The following NLRP5 variants were observed in gnomAD, a reference collection of about 807,000 sequenced individuals.
NLRP5 encodes the protein NLR family pyrin domain containing 5.
Under a neutral mutation model 113.1 loss-of-function variants are expected in NLRP5, and 93 were observed. The ratio of observed to expected loss-of-function variants is 0.82; its 90% CI spans 0.70 to 0.98. The LOEUF (loss-of-function observed/expected upper bound fraction) is 0.98. Ranked by LOEUF, NLRP5 falls within the 50% of genes least tolerant of loss-of-function variation. The pLI, the probability that NLRP5 is intolerant of heterozygous loss-of-function variation, is 0.00. For synonymous variants in NLRP5, 751 were observed against 600.7 expected (o/e 1.25, Z -3.66); for missense variants, 1,808 against 1,514.3 (o/e 1.19, Z -3.22).
In NLRP5 at chr19:56,061,491, C is replaced by A. The variant is rs776906395; in HGVS notation, c.3566C>A (p.Ser1189Tyr). The A allele has an allele frequency of 1.9e-6, 3 of 1,614,028 alleles. No individual in the cohort carries two copies. The South Asian group carries it at 3.3e-5, about 18-fold the overall frequency. ...GTCGTAATTGACGGTAGTTGGCATT[C>A]TTTTGATGAAGATGACCGGTACTGG... is the stretch of plus-strand genomic sequence containing the variant. The change falls in exon 15 of 15, where the codon TCT (serine) becomes TAT (tyrosine). Residue 1189 changes from serine to tyrosine, a missense_variant. Ser to Tyr is a moderately radical substitution (Grantham distance 144). Coordinates refer to ENST00000390649, the MANE Select transcript of NLRP5 (RefSeq NM_153447.4).
At chr19:56,007,896 CGCGCGTGCGTGTGTGTGTGTGTGT>C (rs1194668476) in intron 2 of NLRP5, among the ~76,000 whole-genome samples, 2 of 97,842 alleles carry the variant, frequency 2.0e-5, no homozygotes, top group East Asian at 4.5e-4. Flanking sequence ...TGTGCGCGTG[CGCGCGTGCGTGTGTGTGTGTGTGT>C]GTGTGTGTGT....
intron 12 of NLRP5, 105 bp downstream of exon 12, chr19:56,050,693 A>G: frequency 1.8e-6 from 2 of 1,096,982 alleles, no homozygotes; most frequent in South Asian, 3.2e-5. Context: ...AACTGCTTTC[A>G]GGGTGAGCTG....
Position 56,053,838 on chromosome 19 carries a change from C to T in NLRP5, c.3299+30C>T, listed in dbSNP as rs199475787. The T allele has an allele frequency of 8.2e-5, 131 of 1,605,534 alleles. 1 individual carries two copies. The African/African-American group carries it at 1.3e-3, about 16-fold the overall frequency. Reference sequence around the variant, plus strand: ...CTTCCTGGGGCGCCTCTTTGCGGGCCGGGCTGGGAGGAGGTGGGGGACCCC... The same window carrying T: ...CTTCCTGGGGCGCCTCTTTGCGGGCTGGGCTGGGAGGAGGTGGGGGACCCC... On this transcript the variant is annotated intron_variant, in intron 13 of 14. Coordinates refer to ENST00000390649, the MANE Select transcript of NLRP5 (RefSeq NM_153447.4).
chr19:56,024,551 G>A (rs1982761126), intron 6 of NLRP5, among the ~76,000 whole-genome samples: 1 of 144,524 alleles, frequency 6.9e-6, no homozygotes, highest in Non-Finnish European at 1.5e-5. Flanking sequence ...GTATGTATAT[G>A]TGTATATATG....
upstream of NLRP5, among the ~76,000 whole-genome samples, chr19:55,997,892 A>G (rs980969294): frequency 1.3e-5 from 2 of 151,948 alleles, no homozygotes; most frequent in Non-Finnish European, 2.9e-5. Context: ...AAGGATATCT[A>G]GTCCTGGTTT....
chr19:56,056,068 G>A (rs997401739), intron 13 of NLRP5, among the ~76,000 whole-genome samples: 3 of 152,112 alleles, frequency 2.0e-5, no homozygotes, highest in Admixed American at 6.6e-5. Flanking sequence ...TGGTCCACTC[G>A]TTTTCCCCAC....
chr19:56,028,889 C>T (rs1420181660), intron 7 of NLRP5, among the ~76,000 whole-genome samples: 5 of 152,056 alleles, frequency 3.3e-5, no homozygotes, highest in Admixed American at 6.6e-5. Flanking sequence ...CTCAGGCTGC[C>T]GAGGAGCTGG....
At chr19:56,011,671 T>A (rs1311738386) in intron 3 of NLRP5, among the ~76,000 whole-genome samples, 1 of 151,422 alleles carries the variant, frequency 6.6e-6, no homozygotes, top group Non-Finnish European at 1.5e-5. Context: ...TTGTGTTAGA[T>A]CTTTTTTCTT....
At chr19:55,999,609 A>G (rs1414130589), upstream of NLRP5, 39 of 788,600 alleles carry the variant, frequency 4.9e-5, no homozygotes, top group Admixed American at 7.0e-4. Flanking sequence ...CGACCGGCTC[A>G]CTTGTTGCTT....
rs745539273 is a variant in NLRP5 at position 56,050,457 on chromosome 19, T to C, written c.2997T>C (p.Phe999=). 7 of 1,613,930 alleles carry C rather than the reference T, an allele frequency of 4.3e-6. No homozygotes were observed. The African/African-American group carries it at 5.3e-5, about 12-fold the overall frequency. The stretch of plus-strand genomic sequence containing the variant: ...ACCTGGACACGGCTGGCTGTGGTTT[T>C]CTTGCACTTGCGCTTATGGGTAACT... Residue 999 remains phenylalanine, a synonymous_variant, in exon 12 of 15, where the codon TTT becomes TTC. Coordinates refer to ENST00000390649, the MANE Select transcript of NLRP5 (RefSeq NM_153447.4).
Position 56,027,075 on chromosome 19 carries a change from C to G in NLRP5, c.842C>G (p.Thr281Arg). ...GACCGGTGGGGCTTCCGGCCTCGCA[C>G]GGTGGTTCTGCACGGAAAGTCAGGA... The change falls in exon 7 of 15, where the codon ACG becomes AGG. Residue 281 changes from threonine (T) to arginine (R), a missense_variant. Physicochemically the swap from Thr to Arg is moderately conservative, Grantham distance 71. Coordinates refer to ENST00000390649, the MANE Select transcript of NLRP5 (RefSeq NM_153447.4). 1 of 1,560,214 alleles carries G rather than the reference C, an allele frequency of 6.4e-7. No individual in the cohort carries two copies. Among genetic ancestry groups the G allele is most frequent in the Non-Finnish European group, 8.7e-7 (1 of 1,152,214 alleles).
rs1405536888 is a variant in NLRP5 at position 56,033,667 on chromosome 19, G to T, written c.2573G>T (p.Cys858Phe). 1.2e-6 allele frequency: 2 copies of T among 1,613,770 alleles called. No individual in the cohort carries two copies. The highest frequency in any genetic ancestry group is 2.7e-5 in the African/African-American group (2 of 74,932). ...AAGGAAGAGGATGTAAGGATGGCGT[G>T]TGAAGCCTTAAAACACCCAAAATGT... The change falls in exon 9 of 15, where the codon TGT becomes TTT. Residue 858 changes from cysteine to phenylalanine, a missense_variant. Cys to Phe is a radical substitution (Grantham distance 205). Coordinates refer to ENST00000390649, the MANE Select transcript of NLRP5 (RefSeq NM_153447.4).
chr19:56,003,868 T>C lies in NLRP5; in HGVS notation c.215T>C (p.Leu72Pro). 1 of 1,613,998 alleles carries C rather than the reference T, an allele frequency of 6.2e-7. No individual in the cohort carries two copies. The highest frequency in any genetic ancestry group is 8.5e-7 in the Non-Finnish European group (1 of 1,179,892). ...GGGCTGCAATGGTGTCTCTATGAGC[T>C]AGACAAGGAAGAATTTCAGACATTC... The change falls in exon 2 of 15, where the codon CTA becomes CCA. Residue 72 changes from leucine (L) to proline (P), a missense_variant. Leu to Pro is a moderately conservative substitution (Grantham distance 98). Transcript: ENST00000390649.
At chr19:56,055,775 G>A (rs1371582804) in intron 13 of NLRP5, among the ~76,000 whole-genome samples, 5 of 151,354 alleles carry the variant, frequency 3.3e-5, no homozygotes, top group Non-Finnish European at 7.4e-5. Context: ...TCAATCTCCT[G>A]ACCTCATGAT....
At chr19:56,024,219 T>C (rs1272662270) in intron 6 of NLRP5, among the ~76,000 whole-genome samples, 2 of 151,010 alleles carry the variant, frequency 1.3e-5, no homozygotes, top group African/African-American at 2.4e-5. Flanking sequence ...CTTTATCAGG[T>C]GGGCCGGGCA....
At chr19:56,015,554 C>G (rs191125296) in intron 3 of NLRP5, among the ~76,000 whole-genome samples, 188 bp from the exon 4 acceptor site, 1 of 152,140 alleles carries the variant, frequency 6.6e-6, no homozygotes, top group Non-Finnish European at 1.5e-5. Context: ...TTTGAATCGT[C>G]GGATCTTGAA....
intron 12 of NLRP5, among the ~76,000 whole-genome samples, chr19:56,052,609 T>G (rs989855718): frequency 6.6e-6 from 1 of 152,116 alleles, no homozygotes; most frequent in Non-Finnish European, 1.5e-5. Flanking sequence ...CTCCTGAGGA[T>G]GGACCATCCC....
chr19:56,016,502 G>A (rs1352807614), intron 4 of NLRP5, among the ~76,000 whole-genome samples: 1 of 152,140 alleles, frequency 6.6e-6, no homozygotes, highest in South Asian at 2.1e-4. Flanking sequence ...AATAGACTTT[G>A]TTATTAACCA....
chr19:55,989,341 CGCCTCCCAGGTTCAAGCAATTCTGCCTCA>C, the NLRP5 span, among the ~76,000 whole-genome samples: 52 of 152,226 alleles, frequency 3.4e-4, 1 homozygote, highest in East Asian at 9.5e-3. Flanking sequence ...CTGCACCCTC[CGCCTCCCAGGTTCAAGCAATTCTGCCTCA>C]GCCTCCCGAG....
Sources: allele counts gnomAD v4.1 joint callset (sites outside exome capture counted in the v4.1 genomes callset), GRCh38; gene constraint gnomAD v4.1.1; transcripts MANE v1.5; gene names NCBI Gene and HGNC (gene_info 2026-07-23, HGNC 2026-07-21).